Variants in TMEM163 observed in about 807,000 individuals in gnomAD.
TMEM163 encodes the protein transmembrane protein 163.
In TMEM163, 17 loss-of-function variants were observed where a neutral mutation model predicts 29.3. The observed-to-expected ratio is 0.58, with a 90% CI of 0.40 to 0.87. TMEM163 has a LOEUF of 0.87. Among genes scored for constraint, TMEM163 ranks in the 40% least tolerant of loss-of-function variants. TMEM163 has a pLI of 0.00. For synonymous variants in TMEM163, 157 were observed against 160.6 expected, an observed-to-expected ratio of 0.98 and a Z score of 0.17; for missense variants, 303 against 381.5, an observed-to-expected ratio of 0.79 and a Z score of 1.71.
At chr2:134,696,301 A>G (rs115830091) in intron 2 of TMEM163, among the ~76,000 whole-genome samples, 1 of 152,152 alleles carries the variant, frequency 6.6e-6, no homozygotes, top group Non-Finnish European at 1.5e-5. Context: ...TTGTTCCTAA[A>G]AATATCACAA....
In TMEM163 at chr2:134,633,992, T is replaced by C. The variant is rs867322391; in HGVS notation, c.322+79208A>G. On this transcript the variant is annotated intron_variant, in intron 2 of 7. Coordinates refer to ENST00000281924, the MANE Select transcript of TMEM163 (RefSeq NM_030923.5). Reference sequence around the variant, plus strand: ...ATATATATATATATATATATATATATATATATATATATATATATATATATA... The same window carrying C: ...ATATATATATATATATATATATATACATATATATATATATATATATATATA... Among the ~76,000 whole-genome samples the C allele has an allele frequency of 9.4e-4, 26 of 27,698 alleles. 1 individual carries two copies. The highest frequency in any genetic ancestry group is 6.0e-3 in the South Asian group (9 of 1,510). 18.2% of individuals were successfully genotyped at this position (27,698 alleles called of 152,430 possible). A position where few individuals can be genotyped will look rare whatever the true frequency, so the allele number is the denominator to read the frequency against.
intron 2 of TMEM163, among the ~76,000 whole-genome samples, chr2:134,588,750 C>G (rs903796365): frequency 1.7e-4 from 26 of 152,152 alleles, no homozygotes; most frequent in African/African-American, 5.8e-4. Context: ...AGGTTTGCCT[C>G]TCACAGGAGA....
At chr2:134,570,785 G>C (rs1242254656) in intron 2 of TMEM163, among the ~76,000 whole-genome samples, 1 of 152,126 alleles carries the variant, frequency 6.6e-6, no homozygotes, top group Non-Finnish European at 1.5e-5. Context: ...TAAGGGCTAG[G>C]ACCCTTTGGG....
At chr2:134,508,989 C>G (rs579076) in intron 4 of TMEM163, among the ~76,000 whole-genome samples, 2 of 151,928 alleles carry the variant, frequency 1.3e-5, no homozygotes, top group Non-Finnish European at 2.9e-5. Flanking sequence ...GTGGTTTACA[C>G]CTGTAATAAT....
chr2:134,472,526 A>G (rs189856309), intron 5 of TMEM163, among the ~76,000 whole-genome samples: 1 of 152,370 alleles, frequency 6.6e-6, no homozygotes, highest in East Asian at 1.9e-4. Context: ...CAACCTGTAC[A>G]GAGAACAATT....
rs115192283 is a variant in TMEM163 at position 134,673,054 on chromosome 2, T to C, written c.322+40146A>G. 4.9e-3 allele frequency among the ~76,000 whole-genome samples: 753 copies of C among 152,272 alleles called. 13 individuals are homozygous for C. The highest frequency in any genetic ancestry group is 0.015 in the African/African-American group (621 of 41,536). ...CATCCCATCACCCACAGCTGCAACA[T>C]TGAACTTTTGGCTCATAAACCCCAT... On this transcript the variant is annotated intron_variant, in intron 2 of 7. Transcript: ENST00000281924.
intron 2 of TMEM163, among the ~76,000 whole-genome samples, chr2:134,665,078 TAAC>T (rs1683844698): frequency 6.6e-6 from 1 of 152,110 alleles, no homozygotes; most frequent in Admixed American, 6.5e-5. Flanking sequence ...TGGTAATTTC[TAAC>T]AACAGCCACA....
intron 2 of TMEM163, among the ~76,000 whole-genome samples, chr2:134,650,138 A>C (rs1359599688): frequency 3.9e-5 from 6 of 151,976 alleles, no homozygotes; most frequent in African/African-American, 1.4e-4. Flanking sequence ...TTTTGTGTTT[A>C]AAAAAACTGT....
intron 5 of TMEM163, among the ~76,000 whole-genome samples, chr2:134,473,546 A>AAAG (rs1444039653): frequency 1.2e-3 from 176 of 152,034 alleles, no homozygotes; most frequent in African/African-American, 3.7e-3. Flanking sequence ...AAAAAAAAAA[A>AAAG]AAAGAAAAAG....
intron 1 of TMEM163, among the ~76,000 whole-genome samples, chr2:134,717,554 G>A (rs1685062135): frequency 6.6e-6 from 1 of 152,078 alleles, no homozygotes; most frequent in Admixed American, 6.5e-5. Flanking sequence ...ACACTAAACC[G>A]GAATAAAAAT....
At chr2:134,659,455 T>C (rs1275473832) in intron 2 of TMEM163, among the ~76,000 whole-genome samples, 2 of 152,136 alleles carry the variant, frequency 1.3e-5, no homozygotes. Flanking sequence ...CTGCAGTGGC[T>C]CTGGGTGTGC....
intron 2 of TMEM163, among the ~76,000 whole-genome samples, chr2:134,610,975 A>G (rs2104817754): frequency 6.6e-6 from 1 of 152,314 alleles, no homozygotes; most frequent in East Asian, 1.9e-4. Context: ...GGTCAGCAGC[A>G]CTATTTCACA....
At chr2:134,510,228 A>G (rs919071831) in intron 4 of TMEM163, among the ~76,000 whole-genome samples, 2 of 152,230 alleles carry the variant, frequency 1.3e-5, no homozygotes, top group East Asian at 3.9e-4. Flanking sequence ...ATTGTTGCTT[A>G]GGGAAAAAAT....
At chr2:134,529,367 T>C (rs1214293960) in intron 4 of TMEM163, among the ~76,000 whole-genome samples, 1 of 146,434 alleles carries the variant, frequency 6.8e-6, no homozygotes, top group Non-Finnish European at 1.5e-5. Context: ...CCTGCGCACA[T>C]GCATAAAAGA....
intron 2 of TMEM163, among the ~76,000 whole-genome samples, chr2:134,590,614 G>T (rs1681916107): frequency 6.6e-6 from 1 of 152,186 alleles, no homozygotes; most frequent in Non-Finnish European, 1.5e-5. Context: ...GAAAGTAAAG[G>T]AATAAAAGAA....
chr2:134,575,143 G>T (rs758673481), intron 2 of TMEM163, among the ~76,000 whole-genome samples: 2 of 152,100 alleles, frequency 1.3e-5, no homozygotes, highest in Non-Finnish European at 2.9e-5. Flanking sequence ...GCGCTGTAGG[G>T]TTCTTCTTCC....
intron 4 of TMEM163, among the ~76,000 whole-genome samples, chr2:134,513,276 G>T (rs1463556240): frequency 6.6e-6 from 1 of 152,234 alleles, no homozygotes; most frequent in Non-Finnish European, 1.5e-5. Flanking sequence ...GACGCAGTAA[G>T]TGTGGGATGT....
intron 2 of TMEM163, among the ~76,000 whole-genome samples, chr2:134,587,291 A>T (rs1681843795): frequency 6.6e-6 from 1 of 152,184 alleles, no homozygotes; most frequent in Non-Finnish European, 1.5e-5. Flanking sequence ...ACATGCCTGT[A>T]ATCCTGGCTA....
chr2:134,502,840 G>GAGGC, intron 5 of TMEM163, 61 bp downstream of exon 5: 1 of 1,481,970 alleles, frequency 6.7e-7, no homozygotes, highest in Non-Finnish European at 9.3e-7. Context: ...CCTGCGATAA[G>GAGGC]AGGCAGCCCA....
Sources: allele counts gnomAD v4.1 joint callset (sites outside exome capture counted in the v4.1 genomes callset), GRCh38; gene constraint gnomAD v4.1.1; transcripts MANE v1.5; gene names NCBI Gene and HGNC (gene_info 2026-07-23, HGNC 2026-07-21).